PDS5A: variants seen among roughly 807,000 people sequenced by gnomAD.
PDS5A encodes PDS5 cohesin associated factor A.
In PDS5A, 42 loss-of-function variants were observed where a neutral mutation model predicts 167.1. The ratio of observed to expected loss-of-function variants is 0.25; its 90% confidence interval spans 0.20 to 0.33. The LOEUF is 0.33. PDS5A is among the 10% of genes least tolerant of loss of function. The probability of loss-of-function intolerance (pLI) is 1.00; values close to 1 mark genes in which losing one functional copy is unlikely to be tolerated. For synonymous variants in PDS5A, 553 were observed against 554.6 expected, an observed-to-expected ratio of 1.00 and a Z score of 0.04; for missense variants, 1,033 against 1,605.9, an observed-to-expected ratio of 0.64 and a Z score of 6.10.
chr4:39,824,135 T>A lies in PDS5A; in HGVS notation c.*1350A>T, dbSNP rs574213606. 1 of 152,324 alleles carries A rather than the reference T, an allele frequency of 6.6e-6. No individual in the cohort carries two copies. Among genetic ancestry groups the A allele is most frequent in the East Asian group, 1.9e-4 (1 of 5,190 alleles). 9.4% of individuals were successfully genotyped at this position (152,324 alleles called of 1,614,324 possible). A position where few individuals can be genotyped will look rare whatever the true frequency, so the allele number is the denominator to read the frequency against. On this transcript the variant is annotated 3_prime_UTR_variant, in exon 33 of 33. Coordinates refer to ENST00000303538, the MANE Select transcript of PDS5A (RefSeq NM_001100399.2). Reference sequence around the variant, plus strand: ...ACATGAGAAAAGACAAATTTCATGTTCCTCCAGAATCAGGTCTTACATGCC... The same window carrying A: ...ACATGAGAAAAGACAAATTTCATGTACCTCCAGAATCAGGTCTTACATGCC...
intron 22 of PDS5A, among the ~76,000 whole-genome samples, chr4:39,868,264 G>A (rs558811117): frequency 1.3e-5 from 2 of 152,118 alleles, no homozygotes; most frequent in Admixed American, 6.5e-5. Flanking sequence ...GGGCTCAAGC[G>A]ATCCTCCTGC....
At chr4:39,929,355 G>A (rs1054331879) in intron 2 of PDS5A, among the ~76,000 whole-genome samples, 5 of 151,636 alleles carry the variant, frequency 3.3e-5, no homozygotes, top group African/African-American at 7.3e-5. Context: ...GAAAAGGGAC[G>A]GCGGGACTAG....
At chr4:39,865,198 A>G (rs1234468723) in intron 23 of PDS5A, among the ~76,000 whole-genome samples, 1 of 152,174 alleles carries the variant, frequency 6.6e-6, no homozygotes, top group Admixed American at 6.5e-5. Context: ...GACTGCATTT[A>G]GTGATGTTAA....
intron 2 of PDS5A, among the ~76,000 whole-genome samples, chr4:39,928,855 A>G (rs1254714449): frequency 6.6e-6 from 1 of 151,600 alleles, no homozygotes; most frequent in Non-Finnish European, 1.5e-5. Flanking sequence ...TTTTAAAATT[A>G]TATTAATGCA....
intron 32 of PDS5A, among the ~76,000 whole-genome samples, chr4:39,834,409 CAG>C (rs1159776185): frequency 6.6e-6 from 1 of 152,148 alleles, no homozygotes; most frequent in African/African-American, 2.4e-5. Context: ...AAAGCTTCAC[CAG>C]AGAGTCCTCC....
intron 2 of PDS5A, among the ~76,000 whole-genome samples, chr4:39,950,292 T>A (rs1228357772): frequency 6.6e-6 from 1 of 151,994 alleles, no homozygotes; most frequent in Non-Finnish European, 1.5e-5. Flanking sequence ...CCGGGCACGG[T>A]GGGTCTCACC....
intron 17 of PDS5A, among the ~76,000 whole-genome samples, chr4:39,883,582 A>AT (rs1350521920): frequency 6.2e-4 from 95 of 152,074 alleles, no homozygotes; most frequent in African/African-American, 2.2e-3. Context: ...CCATCATCTT[A>AT]TTTTTCTGTT....
chr4:39,975,362 T>C (rs1009268095), intron 2 of PDS5A, among the ~76,000 whole-genome samples: 1 of 152,298 alleles, frequency 6.6e-6, no homozygotes, highest in East Asian at 1.9e-4. Context: ...ACTGTACTCA[T>C]TAAAATGCAA....
At position 39,878,836 on chromosome 4, in the gene PDS5A, TG is replaced by T. The variant is rs551151757; in HGVS notation, c.1992+891del. 9.2e-5 allele frequency among the ~76,000 whole-genome samples: 14 copies of T among 152,100 alleles called. No homozygotes were observed. In the South Asian group the frequency reaches 2.9e-3, roughly 32 times the overall value. On this transcript the variant is annotated intron_variant, in intron 18 of 32. Transcript: ENST00000303538. ...TCAGCTCACTGCAACCTCCACCTCC[TG>T]GGTTCCAGTGATTCTCCTGCCTCAG...
intron 23 of PDS5A, among the ~76,000 whole-genome samples, chr4:39,863,698 A>C (rs747573738): frequency 6.6e-6 from 1 of 152,090 alleles, no homozygotes; most frequent in Non-Finnish European, 1.5e-5. Context: ...TTCTAGTCAA[A>C]CTCTAGCTTA....
At chr4:39,840,702 C>A (rs905911554) in intron 31 of PDS5A, among the ~76,000 whole-genome samples, 1 of 152,010 alleles carries the variant, frequency 6.6e-6, no homozygotes, top group South Asian at 2.1e-4. Flanking sequence ...GGTCGCCTCC[C>A]GCATAGCTGG....
At chr4:39,888,777 C>A (rs187333871) in intron 17 of PDS5A, among the ~76,000 whole-genome samples, 2 of 151,402 alleles carry the variant, frequency 1.3e-5, no homozygotes, top group African/African-American at 2.4e-5. Flanking sequence ...CTGGTAGTTA[C>A]AAGAAGCTGG....
At chr4:39,825,691 G>A (rs1690026364) in intron 32 of PDS5A, among the ~76,000 whole-genome samples, 1 of 151,742 alleles carries the variant, frequency 6.6e-6, no homozygotes, top group African/African-American at 2.4e-5. Flanking sequence ...GGGTTCAAGT[G>A]GTCCTCCAGG....
intron 20 of PDS5A, 123 bp from the exon 21 acceptor site, chr4:39,873,267 C>T (rs571217113): frequency 2.0e-5 from 9 of 457,304 alleles, no homozygotes; most frequent in African/African-American, 1.2e-4. Context: ...TTCTCTAATA[C>T]GATCATAACT....
At chr4:39,972,907 G>C (rs952683559) in intron 2 of PDS5A, among the ~76,000 whole-genome samples, 2 of 143,974 alleles carry the variant, frequency 1.4e-5, no homozygotes, top group Non-Finnish European at 3.2e-5. Flanking sequence ...TATTTTTTGT[G>C]GGGTTTTTTT....
intron 16 of PDS5A, among the ~76,000 whole-genome samples, chr4:39,895,463 TAAA>T (rs935313760): frequency 1.3e-5 from 2 of 151,988 alleles, no homozygotes; most frequent in Admixed American, 6.5e-5. Context: ...ATATAAAAGA[TAAA>T]AAACAGTACA....
intron 19 of PDS5A, 85 bp from the exon 20 acceptor site, chr4:39,874,497 T>C (rs982984870): frequency 1.8e-6 from 2 of 1,089,946 alleles, no homozygotes; most frequent in Non-Finnish European, 2.8e-6. Flanking sequence ...TTCCCCTATA[T>C]GGATGGATGC....
intron 5 of PDS5A, 60 bp from the exon 6 acceptor site, chr4:39,922,808 T>C: frequency 7.4e-7 from 1 of 1,359,236 alleles, no homozygotes; most frequent in Non-Finnish European, 9.5e-7. Flanking sequence ...GAATTCAAGC[T>C]TCTAATAGGA....
intron 2 of PDS5A, among the ~76,000 whole-genome samples, chr4:39,934,842 C>T (rs1474257460): frequency 6.6e-6 from 1 of 151,864 alleles, no homozygotes; most frequent in Non-Finnish European, 1.5e-5. Context: ...ACCTACTCTA[C>T]GTTTTCTTGG....
Sources: gnomAD v4.1 joint callset for allele counts (sites outside exome capture counted in the v4.1 genomes callset) on GRCh38, gnomAD v4.1.1 for gene constraint, MANE v1.5 for transcripts, NCBI Gene and HGNC (gene_info 2026-07-23, HGNC 2026-07-21) for gene names.